The following ACSM1 variants were observed in gnomAD, a reference collection of about 807,000 sequenced individuals.
ACSM1 encodes acyl-coenzyme A synthetase ACSM1, mitochondrial.
ACSM1 carries 79 observed loss-of-function variants against 75.8 expected under a neutral mutation model. The ratio of observed to expected loss-of-function variants is 1.04; its 90% CI spans 0.87 to 1.26. The LOEUF is 1.26. Among genes scored for constraint, ACSM1 ranks in the 50% most tolerant of loss-of-function variants. The pLI is 0.00. For synonymous variants in ACSM1, 279 were observed against 265.8 expected, an observed-to-expected ratio of 1.05 and a Z score of -0.48; for missense variants, 676 against 720.1, an observed-to-expected ratio of 0.94 and a Z score of 0.70.
chr16:20,641,393 C>T (rs1259588369), intron 7 of ACSM1, among the ~76,000 whole-genome samples: 1 of 152,136 alleles, frequency 6.6e-6, no homozygotes, highest in Non-Finnish European at 1.5e-5. Flanking sequence ...AAAGCTGAGG[C>T]AGGGCTTGCA....
chr16:20,627,824 A>ATCTCTCTCTCTC (rs68102086), intron 10 of ACSM1, among the ~76,000 whole-genome samples: 1 of 99,128 alleles, frequency 1.0e-5, no homozygotes, highest in Non-Finnish European at 2.0e-5. Flanking sequence ...GTGAGACTTC[A>ATCTCTCTCTCTC]TCTCTCTCTC....
At chr16:20,683,093 T>TC (rs2079479071) in intron 3 of ACSM1, among the ~76,000 whole-genome samples, 1 of 151,946 alleles carries the variant, frequency 6.6e-6, no homozygotes, top group Non-Finnish European at 1.5e-5. Flanking sequence ...GACTTTTTTT[T>TC]CCTCTGAATT....
Position 20,625,430 on chromosome 16 carries a change from C to G in ACSM1, c.1520G>C (p.Arg507Pro). 6.2e-7 allele frequency: 1 copy of G among 1,614,022 alleles called. No individual in the cohort carries two copies. Among genetic ancestry groups the G allele is most frequent in the East Asian group, 2.2e-5 (1 of 44,870 alleles). The change falls in exon 12 of 14, where the codon CGA becomes CCA. Residue 507 changes from arginine (R) to proline (P), a missense_variant. Physicochemically the swap from Arg to Pro is moderately radical, Grantham distance 103 (BLOSUM62 -2). Coordinates refer to ENST00000520010, the MANE Select transcript of ACSM1 (RefSeq NM_001318890.3). Reference protein sequence around the residue: ...SAVVGSPDPIRGEVVKAFIVL... With the variant: ...SAVVGSPDPIPGEVVKAFIVL... ...TCTCTGTGTTCTCCTCACCTCCCCT[C>G]GAATCGGGTCTGGGCTGCCCACCAC...
intron 2 of ACSM1, among the ~76,000 whole-genome samples, chr16:20,687,419 AT>A (rs2079573415): frequency 6.6e-6 from 1 of 152,148 alleles, no homozygotes; most frequent in African/African-American, 2.4e-5. Flanking sequence ...GGAAAGATAA[AT>A]GCTAGAAAAG....
At chr16:20,625,325 C>G in intron 12 of ACSM1, 98 bp downstream of exon 12, 1 of 1,200,322 alleles carries the variant, frequency 8.3e-7, no homozygotes, top group Non-Finnish European at 1.2e-6. Context: ...ACACTATGCC[C>G]TTCCACCAAG....
chr16:20,694,195 A>G (rs1364518523), intron 1 of ACSM1, among the ~76,000 whole-genome samples: 2 of 152,194 alleles, frequency 1.3e-5, no homozygotes, highest in Non-Finnish European at 2.9e-5. Context: ...TTGCTAGCCA[A>G]TCGGGACAAA....
At chr16:20,624,592 A>G (rs1385801966) in intron 12 of ACSM1, among the ~76,000 whole-genome samples, 1 of 152,240 alleles carries the variant, frequency 6.6e-6, no homozygotes, top group Non-Finnish European at 1.5e-5. Flanking sequence ...TCAGTGCCAG[A>G]AACCCAATGG....
At position 20,636,291 on chromosome 16, in the gene ACSM1, CT is replaced by C. The variant is rs375826434; in HGVS notation, c.1299+447del. Among the ~76,000 whole-genome samples the C allele has an allele frequency of 3.0e-3, 460 of 152,072 alleles. 5 individuals carry two copies. The highest frequency in any genetic ancestry group is 0.011 in the African/African-American group (442 of 41,490). The stretch of plus-strand genomic sequence containing the variant: ...AGTTTTCTATAATCTCTGGTTTTTA[CT>C]TTTTTTTAATCCTAAACCTACCATT... On this transcript the variant is annotated intron_variant, in intron 10 of 13. Transcript: ENST00000520010.
chr16:20,629,000 T>C (rs1416602678), intron 10 of ACSM1, among the ~76,000 whole-genome samples: 1 of 152,174 alleles, frequency 6.6e-6, no homozygotes, highest in African/African-American at 2.4e-5. Flanking sequence ...TTACATCCCT[T>C]TTTGGATTCA....
intron 2 of ACSM1, among the ~76,000 whole-genome samples, chr16:20,689,019 C>T (rs2152331576): frequency 6.8e-6 from 1 of 148,076 alleles, no homozygotes; most frequent in African/African-American, 2.5e-5. Flanking sequence ...TATATGTTAA[C>T]ATATATTTAC....
chr16:20,650,984 A>T (rs574724827), intron 7 of ACSM1, among the ~76,000 whole-genome samples: 1 of 152,178 alleles, frequency 6.6e-6, no homozygotes, highest in Admixed American at 6.5e-5. Flanking sequence ...TATTTATCCC[A>T]TGGCTAAAGT....
At chr16:20,637,256 A>C in intron 9 of ACSM1, 115 bp downstream of exon 9, 1 of 877,888 alleles carries the variant, frequency 1.1e-6, no homozygotes, top group Non-Finnish European at 2.0e-6. Context: ...AAATGAGAAG[A>C]GAGGAGGAAG....
intron 8 of ACSM1, 28 bp from the exon 9 acceptor site, chr16:20,637,479 T>G (rs758780522): frequency 1.3e-6 from 2 of 1,597,638 alleles, no homozygotes; most frequent in Admixed American, 1.7e-5. Context: ...AAGATTTGGG[T>G]TGATCAGAGA....
intron 5 of ACSM1, 63 bp downstream of exon 5, chr16:20,671,468 C>T: frequency 6.7e-7 from 1 of 1,487,582 alleles, no homozygotes. Flanking sequence ...CACACACACA[C>T]ACACACACAC....
At chr16:20,678,141 A>G (rs796920025) in intron 4 of ACSM1, among the ~76,000 whole-genome samples, 1 of 152,198 alleles carries the variant, frequency 6.6e-6, no homozygotes, top group Non-Finnish European at 1.5e-5. Context: ...ATCCCAAGCT[A>G]CACTCCAAAT....
chr16:20,673,077 A>G (rs1292205163), intron 4 of ACSM1, among the ~76,000 whole-genome samples: 6 of 146,460 alleles, frequency 4.1e-5, no homozygotes, highest in African/African-American at 1.5e-4. Flanking sequence ...ATATATACTT[A>G]TATATAAATT....
At chr16:20,658,408 C>T (rs1367578277) in intron 7 of ACSM1, among the ~76,000 whole-genome samples, 4 of 151,284 alleles carry the variant, frequency 2.6e-5, no homozygotes, top group Non-Finnish European at 4.4e-5. Context: ...AATGTCTTCT[C>T]TTGAGAAGTG....
intron 11 of ACSM1, among the ~76,000 whole-genome samples, chr16:20,626,166 A>G (rs1057133219): frequency 2.9e-4 from 44 of 152,190 alleles, no homozygotes; most frequent in African/African-American, 1.0e-3. Context: ...CAGGGGGATC[A>G]ATGGAGGTCA....
chr16:20,686,978 ATTTTTTT>A (rs34041438), intron 2 of ACSM1, among the ~76,000 whole-genome samples: 1 of 135,984 alleles, frequency 7.4e-6, no homozygotes, highest in Non-Finnish European at 1.6e-5. Flanking sequence ...AAATTTTGTG[ATTTTTTT>A]TTTTTTTTTT....
Sources: gnomAD v4.1 joint callset for allele counts (sites outside exome capture counted in the v4.1 genomes callset) on GRCh38, gnomAD v4.1.1 for gene constraint, MANE v1.5 for transcripts, NCBI Gene and HGNC (gene_info 2026-07-23, HGNC 2026-07-21) for gene names.